NTN1: variants seen among roughly 807,000 people sequenced by gnomAD.
NTN1 encodes netrin-1.
In NTN1, 11 loss-of-function variants were observed where a neutral mutation model predicts 54.2. That is an observed-to-expected ratio of 0.20 (90% CI 0.13 to 0.34). The LOEUF (loss-of-function observed/expected upper bound fraction) is 0.34, where lower values mean the gene tolerates loss of function less well. Ranked by LOEUF, NTN1 falls within the 10% of genes least tolerant of loss-of-function variation. NTN1 has a pLI of 1.00. For missense variants in NTN1, 740 were observed against 893.1 expected, an observed-to-expected ratio of 0.83 and a Z score of 2.18; for synonymous variants, 371 against 382.0, an observed-to-expected ratio of 0.97 and a Z score of 0.33.
upstream of NTN1, among the ~76,000 whole-genome samples, chr17:9,018,945 A>C (rs2151504926): frequency 6.6e-6 from 1 of 152,330 alleles, no homozygotes; most frequent in African/African-American, 2.4e-5. Flanking sequence ...ACGCCCCCAC[A>C]AGAAATTCCT....
chr17:9,150,524 G>A (rs1167024959), intron 2 of NTN1, among the ~76,000 whole-genome samples: 2 of 152,240 alleles, frequency 1.3e-5, no homozygotes, highest in Non-Finnish European at 2.9e-5. Flanking sequence ...CTGGAACGTG[G>A]ACGGAGGATC....
At chr17:9,186,056 G>T (rs769217336) in intron 5 of NTN1, among the ~76,000 whole-genome samples, 2 of 152,096 alleles carry the variant, frequency 1.3e-5, no homozygotes, top group African/African-American at 4.8e-5. Context: ...TTCTCGGTCC[G>T]CCCCTGAGGA....
chr17:9,136,374 G>A (rs1011322957), intron 2 of NTN1, among the ~76,000 whole-genome samples: 1 of 152,216 alleles, frequency 6.6e-6, no homozygotes, highest in South Asian at 2.1e-4. Context: ...AGGAGTTCTA[G>A]ACCAGCCTGG....
intron 2 of NTN1, among the ~76,000 whole-genome samples, chr17:9,037,793 C>G (rs1164508141): frequency 6.6e-6 from 1 of 152,170 alleles, no homozygotes; most frequent in African/African-American, 2.4e-5. Flanking sequence ...CTGCAGTTTC[C>G]TAGCTGGTCT....
chr17:9,013,975 A>G, the NTN1 span, among the ~76,000 whole-genome samples: 1 of 152,116 alleles, frequency 6.6e-6, no homozygotes, highest in Non-Finnish European at 1.5e-5. Context: ...ATCCACAGGC[A>G]TTTTCACCCC....
intron 2 of NTN1, among the ~76,000 whole-genome samples, chr17:9,029,553 C>T (rs1366866753): frequency 6.6e-6 from 1 of 152,216 alleles, no homozygotes; most frequent in African/African-American, 2.4e-5. Context: ...CCTGTAGATA[C>T]AGACGTTCAC....
chr17:9,114,154 A>G (rs1189769664), intron 2 of NTN1, among the ~76,000 whole-genome samples: 8 of 39,204 alleles, frequency 2.0e-4, no homozygotes, highest in African/African-American at 6.5e-4. Flanking sequence ...AAAAAAAAAG[A>G]AAAAAAAAAA....
the NTN1 span, among the ~76,000 whole-genome samples, chr17:9,012,864 T>C: frequency 1.3e-5 from 2 of 152,252 alleles, no homozygotes; most frequent in South Asian, 4.1e-4. Flanking sequence ...ACGCATCCTG[T>C]TTCATTTCCA....
intron 2 of NTN1, among the ~76,000 whole-genome samples, chr17:9,123,155 G>T (rs1448767708): frequency 6.6e-6 from 1 of 152,126 alleles, no homozygotes; most frequent in Non-Finnish European, 1.5e-5. Context: ...AGTTTATAGA[G>T]TGTGAATTTT....
Position 9,072,375 on chromosome 17 carries a change from T to C in NTN1, c.1018+48984T>C, listed in dbSNP as rs150110382. Among the ~76,000 whole-genome samples, 3 of 152,210 alleles carry C rather than the reference T, an allele frequency of 2.0e-5. No homozygotes were observed. The East Asian group carries it at 5.8e-4, about 29-fold the overall frequency. ...ATGCACTATTCTGATTTTGTGGGCT[T>C]GAATTCTTATTTTCTTAAGCCTCAC... On this transcript the variant is annotated intron_variant, in intron 2 of 6. Coordinates refer to ENST00000173229, the MANE Select transcript of NTN1 (RefSeq NM_004822.3).
chr17:9,157,834 A>G (rs1364292447), intron 2 of NTN1, among the ~76,000 whole-genome samples: 3 of 152,166 alleles, frequency 2.0e-5, no homozygotes, highest in Non-Finnish European at 4.4e-5. Flanking sequence ...CTCTGTTCTC[A>G]CAAAGCTGCC....
At chr17:9,236,295 A>G (rs2142376259) in intron 6 of NTN1, among the ~76,000 whole-genome samples, 1 of 152,332 alleles carries the variant, frequency 6.6e-6, no homozygotes, top group Admixed American at 6.5e-5. Context: ...CATGTAGCCC[A>G]GAGATCCCCA....
intron 2 of NTN1, among the ~76,000 whole-genome samples, chr17:9,083,135 G>A (rs115684252): frequency 1.3e-5 from 2 of 151,744 alleles, no homozygotes; most frequent in Non-Finnish European, 2.9e-5. Flanking sequence ...GTCTTGCTCT[G>A]TTGCCCAGGC....
chr17:9,115,364 A>G (rs2092207636), intron 2 of NTN1, among the ~76,000 whole-genome samples: 1 of 152,214 alleles, frequency 6.6e-6, no homozygotes, highest in African/African-American at 2.4e-5. Flanking sequence ...TGCTGGCGTC[A>G]GCCTTGCATG....
chr17:9,194,867 C>T (rs746154756), intron 5 of NTN1, among the ~76,000 whole-genome samples: 4 of 152,144 alleles, frequency 2.6e-5, no homozygotes, highest in Admixed American at 6.5e-5. Context: ...TCAAACCGTG[C>T]GGAATTGCTG....
intron 2 of NTN1, among the ~76,000 whole-genome samples, chr17:9,064,133 T>G (rs1205083827): frequency 6.6e-6 from 1 of 152,102 alleles, no homozygotes; most frequent in Admixed American, 6.6e-5. Flanking sequence ...AACCAAACAT[T>G]CCATGGGGAG....
intron 5 of NTN1, among the ~76,000 whole-genome samples, chr17:9,213,731 G>A (rs1905160466): frequency 6.6e-6 from 1 of 152,142 alleles, no homozygotes; most frequent in South Asian, 2.1e-4. Flanking sequence ...AGATCAAATA[G>A]CGTGAAATCG....
chr17:9,113,528 C>T (rs145596728), intron 2 of NTN1, among the ~76,000 whole-genome samples: 52 of 152,098 alleles, frequency 3.4e-4, no homozygotes, highest in African/African-American at 1.1e-3. Context: ...TGAAGGAGCC[C>T]GCTTCTGAAA....
chr17:9,229,839 C>CAGGCAGTGGTGGGAATGACCGTAG (rs1044431438), intron 6 of NTN1, among the ~76,000 whole-genome samples: 7 of 152,120 alleles, frequency 4.6e-5, no homozygotes, highest in Non-Finnish European at 8.8e-5. Flanking sequence ...GCAATGGAGG[C>CAGGCAGTGGTGGGAATGACCGTAG]AGGCATAGAG....
Sources: gnomAD v4.1 joint callset for allele counts (sites outside exome capture counted in the v4.1 genomes callset) on GRCh38, gnomAD v4.1.1 for gene constraint, MANE v1.5 for transcripts, NCBI Gene and HGNC (gene_info 2026-07-23, HGNC 2026-07-21) for gene names.